TBCE: variants seen among roughly 807,000 people sequenced by gnomAD.
TBCE encodes the protein tubulin folding cofactor E.
A neutral mutation model predicts 77.0 loss-of-function variants in TBCE; 53 were observed. That is an observed-to-expected ratio of 0.69 (90% CI 0.55 to 0.87). The LOEUF (loss-of-function observed/expected upper bound fraction) is 0.87, where lower values mean the gene tolerates loss of function less well. Among genes scored for constraint, TBCE ranks in the 40% least tolerant of loss-of-function variants. The pLI, the probability that TBCE is intolerant of heterozygous loss-of-function variation, is 0.00. For missense variants in TBCE, 624 were observed against 622.4 expected, an observed-to-expected ratio of 1.00 and a Z score of -0.03; for synonymous variants, 235 against 241.3, an observed-to-expected ratio of 0.97 and a Z score of 0.24.
Position 235,428,217 on chromosome 1 carries a change from G to T in TBCE, c.560+978G>T, listed in dbSNP as rs182405029. On this transcript the variant is annotated intron_variant, in intron 6 of 16. Transcript: ENST00000642610. ...TGGGCACCTGTAGTCCCAGCTCCTC[G>T]GGAGGCTGAGGCAGGAGAATGGCAT... Among the ~76,000 whole-genome samples, 62 of 151,508 alleles carry T rather than the reference G, an allele frequency of 4.1e-4. 1 individual carries two copies. Among genetic ancestry groups the T allele is most frequent in the African/African-American group, 1.5e-3 (61 of 41,264 alleles).
At chr1:235,435,932 C>T (rs1271433668) in intron 9 of TBCE, 92 bp downstream of exon 9, 18 of 1,107,490 alleles carry the variant, frequency 1.6e-5, no homozygotes, top group East Asian at 7.1e-5. Context: ...TCAATAGAAA[C>T]GTGGTAACAA....
intron 13 of TBCE, 42 bp downstream of exon 13, chr1:235,438,964 C>T: frequency 6.2e-7 from 1 of 1,613,924 alleles, no homozygotes; most frequent in Non-Finnish European, 8.5e-7. Context: ...GGTGGATTTC[C>T]AGCTGGAACA....
chr1:235,387,170 A>C (rs1326775996), intron 2 of TBCE, among the ~76,000 whole-genome samples: 3 of 152,154 alleles, frequency 2.0e-5, no homozygotes, highest in South Asian at 2.1e-4. Flanking sequence ...TTTGTCTCAG[A>C]GGAGTACCCG....
intron 4 of TBCE, chr1:235,415,719 GC>G (rs1680070229): frequency 6.6e-6 from 1 of 151,246 alleles, no homozygotes; most frequent in African/African-American, 2.4e-5. Context: ...AGCATACATG[GC>G]CCCCATTAAA....
Position 235,448,390 on chromosome 1 carries a change from C to G in TBCE, c.1441C>G (p.Leu481Val), listed in dbSNP as rs752398838. ...IQKVKGLLSR[L>V]LKVPVSDLLL... ...AAAGGTGAAGGGATTGCTGTCACGTCTTCTCAAAGTTCCTGTGTCAGACCT... is the reference window on the plus strand; with the variant it reads ...AAAGGTGAAGGGATTGCTGTCACGTGTTCTCAAAGTTCCTGTGTCAGACCT... Residue 481 changes from leucine to valine, a missense_variant, in exon 16 of 17, where the codon CTT becomes GTT. Physicochemically the swap from Leu to Val is conservative, Grantham distance 32 (BLOSUM62 1). Coordinates refer to ENST00000642610, the MANE Select transcript of TBCE (RefSeq NM_003193.5). 1.2e-6 allele frequency: 2 copies of G among 1,614,082 alleles called. No homozygotes were observed. Among genetic ancestry groups the G allele is most frequent in the South Asian group, 2.2e-5 (2 of 91,084 alleles).
chr1:235,438,366 C>T (rs3765799), intron 12 of TBCE, among the ~76,000 whole-genome samples: 112,423 of 151,992 alleles, frequency 0.74, 42,748 homozygotes, highest in African/African-American at 0.93. Context: ...GCTAACACGG[C>T]GAAACCCCGT....
At position 235,447,683 on chromosome 1, in the gene TBCE, A is replaced by C. The variant is rs575533212; in HGVS notation, c.1400-666A>C. On this transcript the variant is annotated intron_variant, in intron 15 of 16. Transcript: ENST00000642610. ...TTCAGTAATTCATAAGGAAGTCATC[A>C]TAAAGGTTTAAAAAGAAAACGTTAA... Among the ~76,000 whole-genome samples, 3 of 152,354 alleles carry C rather than the reference A, an allele frequency of 2.0e-5. No homozygotes were observed. In the South Asian group the frequency reaches 6.2e-4, roughly 32 times the overall value.
At position 235,396,842 on chromosome 1, in the gene TBCE, C is replaced by T. The variant is rs190233299; in HGVS notation, c.101-4661C>T. ...TTAATCGGATTAATAGATGTTTTTC[C>T]CATTGAATTGTTTGAGCTCCTTATT... On this transcript the variant is annotated intron_variant, in intron 2 of 16. Coordinates refer to ENST00000642610, the MANE Select transcript of TBCE (RefSeq NM_003193.5). Among the ~76,000 whole-genome samples, 429 of 152,026 alleles carry T rather than the reference C, an allele frequency of 2.8e-3. 1 individual carries two copies. Among genetic ancestry groups the T allele is most frequent in the Non-Finnish European group, 3.7e-3 (249 of 67,992 alleles).
At chr1:235,387,124 C>A (rs1248059869) in intron 2 of TBCE, among the ~76,000 whole-genome samples, 1 of 152,186 alleles carries the variant, frequency 6.6e-6, no homozygotes, top group African/African-American at 2.4e-5. Flanking sequence ...TTTTCGTGAA[C>A]CGCGAATGCT....
chr1:235,397,482 G>A (rs1222419052), intron 2 of TBCE, among the ~76,000 whole-genome samples: 1 of 152,168 alleles, frequency 6.6e-6, no homozygotes, highest in Non-Finnish European at 1.5e-5. Flanking sequence ...CAAAGTGCTG[G>A]GATTACAGGC....
chr1:235,440,786 G>C (rs1340957496), intron 13 of TBCE: 2 of 152,118 alleles, frequency 1.3e-5, no homozygotes, highest in Admixed American at 1.3e-4. Context: ...CGTCCCGAGG[G>C]CTCGCTACCA....
At chr1:235,372,083 G>T (rs1327158103) in intron 1 of TBCE, among the ~76,000 whole-genome samples, 1 of 152,132 alleles carries the variant, frequency 6.6e-6, no homozygotes, top group Non-Finnish European at 1.5e-5. Flanking sequence ...CTGGGCTCAG[G>T]TCATCCTCCA....
chr1:235,436,797 T>G (rs1482341131), intron 11 of TBCE, among the ~76,000 whole-genome samples, 189 bp downstream of exon 11: 1 of 152,136 alleles, frequency 6.6e-6, no homozygotes, highest in Non-Finnish European at 1.5e-5. Flanking sequence ...CACACTTAAG[T>G]GGACTTCACA....
intron 11 of TBCE, among the ~76,000 whole-genome samples, 156 bp downstream of exon 11, chr1:235,436,764 T>C (rs1681475989): frequency 6.6e-6 from 1 of 152,038 alleles, no homozygotes; most frequent in South Asian, 2.1e-4. Flanking sequence ...GCCAAAAATA[T>C]TAAGAAAGAA....
intron 3 of TBCE, among the ~76,000 whole-genome samples, chr1:235,401,929 G>T (rs1313362123): frequency 1.4e-5 from 2 of 142,866 alleles, no homozygotes; most frequent in Non-Finnish European, 3.0e-5. Context: ...TAATAGAAAA[G>T]AGAAACAGCC....
At chr1:235,422,674 C>G (rs1274562533) in intron 5 of TBCE, among the ~76,000 whole-genome samples, 2 of 151,864 alleles carry the variant, frequency 1.3e-5, no homozygotes, top group Non-Finnish European at 2.9e-5. Context: ...TACTAAAGTA[C>G]AAAAATTAGC....
chr1:235,423,558 G>C (rs1185049335), intron 5 of TBCE: 1 of 152,922 alleles, frequency 6.5e-6, no homozygotes, highest in South Asian at 2.1e-4. Context: ...ATGAGCCTGT[G>C]TTAGGCGGTG....
intron 2 of TBCE, among the ~76,000 whole-genome samples, chr1:235,387,517 C>G (rs192209589): frequency 6.6e-6 from 1 of 152,210 alleles, no homozygotes; most frequent in South Asian, 2.1e-4. Context: ...GCACCCCTCC[C>G]CCAGCCGCGC....
intron 2 of TBCE, among the ~76,000 whole-genome samples, chr1:235,398,729 C>A (rs1231804995): frequency 6.8e-6 from 1 of 146,400 alleles, no homozygotes; most frequent in Non-Finnish European, 1.5e-5. Flanking sequence ...CCCACCTCAG[C>A]CTTCCGAGTA....
Sources: gnomAD v4.1 joint callset for allele counts (sites outside exome capture counted in the v4.1 genomes callset) on GRCh38, gnomAD v4.1.1 for gene constraint, MANE v1.5 for transcripts, NCBI Gene and HGNC (gene_info 2026-07-23, HGNC 2026-07-21) for gene names.